FUT8: variants seen among roughly 807,000 people sequenced by gnomAD.
FUT8 encodes alpha-(1,6)-fucosyltransferase.
In FUT8, 29 loss-of-function variants were observed where a neutral mutation model predicts 71.3. The ratio of observed to expected loss-of-function variants is 0.41; its 90% CI spans 0.30 to 0.55. The LOEUF (loss-of-function observed/expected upper bound fraction) is 0.55. Among genes scored for constraint, FUT8 ranks in the 20% least tolerant of loss-of-function variants. The pLI is 0.34. For missense variants in FUT8, 544 were observed against 702.1 expected (o/e 0.77, Z 2.55); for synonymous variants, 254 against 239.3 (o/e 1.06, Z -0.57).
intron 6 of FUT8, among the ~76,000 whole-genome samples, chr14:65,654,463 C>T (rs1001744709): frequency 6.6e-5 from 10 of 152,202 alleles, no homozygotes; most frequent in African/African-American, 2.4e-4. Flanking sequence ...TGGCATGTGC[C>T]TGTAATCCCA....
intron 3 of FUT8, among the ~76,000 whole-genome samples, chr14:65,571,134 C>T (rs955269196): frequency 2.6e-5 from 4 of 152,044 alleles, no homozygotes; most frequent in Non-Finnish European, 4.4e-5. Flanking sequence ...CTCAATTAAA[C>T]TCCTTTAAAT....
chr14:65,395,699 G>A, the FUT8 span, among the ~76,000 whole-genome samples: 1 of 152,258 alleles, frequency 6.6e-6, no homozygotes, highest in Non-Finnish European at 1.5e-5. Flanking sequence ...CCTGTGATGG[G>A]AGGGGCTGCC....
chr14:65,480,443 G>A (rs929820860), intron 2 of FUT8, among the ~76,000 whole-genome samples: 6 of 151,398 alleles, frequency 4.0e-5, no homozygotes, highest in Non-Finnish European at 8.8e-5. Flanking sequence ...AGCCACCAGA[G>A]TAGCTGGAAC....
At chr14:65,611,296 CA>C (rs1888977689) in intron 3 of FUT8, among the ~76,000 whole-genome samples, 3 of 49,124 alleles carry the variant, frequency 6.1e-5, no homozygotes, top group Admixed American at 2.2e-4. Context: ...CACACACACA[CA>C]CACACCCCCC....
chr14:65,648,493 A>G (rs1400896884), intron 6 of FUT8, among the ~76,000 whole-genome samples: 5 of 152,160 alleles, frequency 3.3e-5, no homozygotes. Context: ...AGACATCAGG[A>G]GTTATGTAAG....
chr14:65,478,241 C>T (rs1267064088), intron 2 of FUT8, among the ~76,000 whole-genome samples: 1 of 152,042 alleles, frequency 6.6e-6, no homozygotes, highest in East Asian at 1.9e-4. Context: ...ACACAGGAGT[C>T]CCCAAGGCCC....
the FUT8 span, among the ~76,000 whole-genome samples, chr14:65,388,782 T>G: frequency 9.2e-5 from 14 of 151,888 alleles, no homozygotes; most frequent in African/African-American, 3.4e-4. Context: ...AAATAAAAAA[T>G]AAAAAATAAT....
chr14:65,479,995 G>T (rs1447391101), intron 2 of FUT8, among the ~76,000 whole-genome samples: 1 of 151,976 alleles, frequency 6.6e-6, no homozygotes, highest in Non-Finnish European at 1.5e-5. Flanking sequence ...CTATCCTTTG[G>T]AAACTTCTTA....
Position 65,512,773 on chromosome 14 carries a change from G to A in FUT8, c.-227-48564G>A, listed in dbSNP as rs1378330943. On this transcript the variant is annotated intron_variant, in intron 2 of 10. Transcript: ENST00000673929. ...AAAATACAAAAATTAGCCGGGCATG[G>A]TGGCGGGCGCCTGTAATCCTAGCTA... Among the ~76,000 whole-genome samples the A allele has an allele frequency of 2.0e-5, 3 of 151,864 alleles. No individual in the cohort carries two copies. The South Asian group carries it at 6.2e-4, about 32-fold the overall frequency.
At chr14:65,556,011 A>T (rs938484656) in intron 2 of FUT8, among the ~76,000 whole-genome samples, 6 of 152,250 alleles carry the variant, frequency 3.9e-5, no homozygotes, top group African/African-American at 1.4e-4. Context: ...TCTGTCCTGC[A>T]ACTTGAATGC....
intron 3 of FUT8, among the ~76,000 whole-genome samples, chr14:65,576,435 C>T (rs565085218): frequency 2.6e-5 from 4 of 152,200 alleles, no homozygotes; most frequent in Admixed American, 1.3e-4. Context: ...AGGCATGTTA[C>T]ATGTTGATAT....
the FUT8 span, among the ~76,000 whole-genome samples, chr14:65,379,306 G>A: frequency 1.3e-5 from 2 of 152,198 alleles, no homozygotes; most frequent in Middle Eastern, 3.4e-3. Flanking sequence ...GAGGCGAGCA[G>A]ATCACTTGAG....
intron 1 of FUT8, among the ~76,000 whole-genome samples, chr14:65,446,567 A>G (rs2065744149): frequency 6.6e-6 from 1 of 152,170 alleles, no homozygotes; most frequent in Non-Finnish European, 1.5e-5. Context: ...TGGTTATTAA[A>G]TAGTATAATT....
intron 3 of FUT8, among the ~76,000 whole-genome samples, chr14:65,567,700 T>C (rs1016014746): frequency 6.6e-6 from 1 of 151,916 alleles, no homozygotes; most frequent in African/African-American, 2.4e-5. Context: ...TTTTAAGATA[T>C]AATGAAAGAT....
chr14:65,447,526 A>G (rs2065761345), intron 1 of FUT8, among the ~76,000 whole-genome samples: 1 of 152,096 alleles, frequency 6.6e-6, no homozygotes, highest in Non-Finnish European at 1.5e-5. Flanking sequence ...GATTAAAACA[A>G]TTTTTTCTTC....
intron 2 of FUT8, among the ~76,000 whole-genome samples, chr14:65,480,688 T>A: frequency 6.6e-6 from 1 of 151,920 alleles, no homozygotes; most frequent in East Asian, 1.9e-4. Context: ...GGTATCATAC[T>A]GTAATTCTAT....
chr14:65,683,641 T>C (rs1454333782), intron 7 of FUT8, among the ~76,000 whole-genome samples: 1 of 152,100 alleles, frequency 6.6e-6, no homozygotes, highest in Non-Finnish European at 1.5e-5. Context: ...TACAGTTAAA[T>C]AATCAAATAT....
intron 2 of FUT8, among the ~76,000 whole-genome samples, chr14:65,528,352 C>T (rs776712941): frequency 9.8e-5 from 15 of 152,304 alleles, no homozygotes; most frequent in Admixed American, 2.6e-4. Context: ...CCGAGCCAGG[C>T]GCGGGATATA....
At chr14:65,503,233 ACTG>A (rs1313570618) in intron 2 of FUT8, among the ~76,000 whole-genome samples, 1 of 152,292 alleles carries the variant, frequency 6.6e-6, no homozygotes, top group East Asian at 1.9e-4. Flanking sequence ...AAGGCGTGAG[ACTG>A]CTTGGTAATT....
Sources: allele counts gnomAD v4.1 joint callset (sites outside exome capture counted in the v4.1 genomes callset), GRCh38; gene constraint gnomAD v4.1.1; transcripts MANE v1.5; gene names NCBI Gene and HGNC (gene_info 2026-07-23, HGNC 2026-07-21).